HDAC9: variants seen among roughly 807,000 people sequenced by gnomAD.
HDAC9 encodes the protein histone deacetylase 9, also known as MEF-2 interacting transcription repressor (MITR) protein.
In HDAC9, 41 loss-of-function variants were observed where a neutral mutation model predicts 139.4. The observed-to-expected ratio is 0.29, with a 90% CI of 0.23 to 0.38. HDAC9 has a LOEUF of 0.38. Among genes scored for constraint, HDAC9 ranks in the 10% least tolerant of loss-of-function variants. The probability of loss-of-function intolerance (pLI) is 1.00; values close to 1 mark genes in which losing one functional copy is unlikely to be tolerated. For missense variants in HDAC9, 1,147 were observed against 1,297.0 expected, an observed-to-expected ratio of 0.88 and a Z score of 1.78; for synonymous variants, 517 against 476.2, an observed-to-expected ratio of 1.09 and a Z score of -1.12.
chr7:18,507,196 A>ATTATTATTG (rs1800045666), intron 2 of HDAC9, among the ~76,000 whole-genome samples: 1 of 148,726 alleles, frequency 6.7e-6, no homozygotes, highest in Non-Finnish European at 1.5e-5. Flanking sequence ...TATTATTATT[A>ATTATTATTG]TTATTACTAT....
At chr7:18,204,407 G>T (rs2128162062) in intron 2 of HDAC9, among the ~76,000 whole-genome samples, 2 of 141,140 alleles carry the variant, frequency 1.4e-5, no homozygotes, top group South Asian at 2.2e-4. Flanking sequence ...TAAAGGCTTT[G>T]CATATCTTTG....
intron 2 of HDAC9, among the ~76,000 whole-genome samples, chr7:18,498,615 T>C (rs1025844657): frequency 6.6e-6 from 1 of 152,088 alleles, no homozygotes; most frequent in Non-Finnish European, 1.5e-5. Context: ...AGTCTTTGGA[T>C]TTGAAAGAGA....
At chr7:18,778,109 A>G (rs1790933748) in intron 16 of HDAC9, among the ~76,000 whole-genome samples, 1 of 151,916 alleles carries the variant, frequency 6.6e-6, no homozygotes, top group Non-Finnish European at 1.5e-5. Flanking sequence ...CCACAATACT[A>G]TGCACACACA....
At chr7:18,499,654 T>G (rs1797859201) in intron 2 of HDAC9, among the ~76,000 whole-genome samples, 1 of 152,182 alleles carries the variant, frequency 6.6e-6, no homozygotes, top group Non-Finnish European at 1.5e-5. Flanking sequence ...GCAGCAGAGC[T>G]GTCCAGACAA....
chr7:18,688,835 G>A (rs1450431456), intron 12 of HDAC9, among the ~76,000 whole-genome samples: 1 of 151,906 alleles, frequency 6.6e-6, no homozygotes, highest in Non-Finnish European at 1.5e-5. Context: ...ACAGAGAAAG[G>A]TTAAGACAAG....
At chr7:18,900,235 T>C (rs527748573) in intron 22 of HDAC9, among the ~76,000 whole-genome samples, 2 of 152,310 alleles carry the variant, frequency 1.3e-5, no homozygotes, top group Admixed American at 1.3e-4. Flanking sequence ...CACCTATGCA[T>C]ACTATCATTA....
At chr7:18,844,859 A>G (rs780459396) in intron 21 of HDAC9, among the ~76,000 whole-genome samples, 2 of 152,096 alleles carry the variant, frequency 1.3e-5, no homozygotes, top group Non-Finnish European at 2.9e-5. Context: ...TTATATACCC[A>G]TGTTGCCTCC....
At chr7:18,290,646 G>A (rs1797747484) in intron 1 of HDAC9, 3 of 394,088 alleles carry the variant, frequency 7.6e-6, no homozygotes, top group Admixed American at 3.0e-5. Context: ...TCATGCGGAG[G>A]GAAGCAAAAG....
intron 1 of HDAC9, among the ~76,000 whole-genome samples, chr7:18,461,828 A>G (rs367922387): frequency 3.3e-5 from 5 of 152,152 alleles, no homozygotes; most frequent in African/African-American, 1.2e-4. Context: ...GTTTAAACTA[A>G]TATGACTTTA....
chr7:18,282,545 A>C (rs1797168806), intron 2 of HDAC9, among the ~76,000 whole-genome samples: 1 of 152,152 alleles, frequency 6.6e-6, no homozygotes, highest in African/African-American at 2.4e-5. Flanking sequence ...AAGGGAAATG[A>C]CATATTTGCA....
chr7:18,173,099 G>A (rs1393988189), intron 2 of HDAC9, among the ~76,000 whole-genome samples: 1 of 152,112 alleles, frequency 6.6e-6, no homozygotes, highest in East Asian at 1.9e-4. Context: ...TCTCTTTGTA[G>A]GTCTCTAAGG....
intron 6 of HDAC9, among the ~76,000 whole-genome samples, chr7:18,614,186 C>G (rs1224552385): frequency 6.6e-6 from 1 of 152,060 alleles, no homozygotes; most frequent in Non-Finnish European, 1.5e-5. Context: ...TATTTGGGAT[C>G]TAACTCCACA....
At chr7:18,127,742 A>C (rs1784757073) in intron 1 of HDAC9, among the ~76,000 whole-genome samples, 1 of 152,110 alleles carries the variant, frequency 6.6e-6, no homozygotes, top group African/African-American at 2.4e-5. Flanking sequence ...AGAAGAGCTT[A>C]AGACCATTCT....
At chr7:18,723,805 C>G (rs1419163523) in intron 12 of HDAC9, among the ~76,000 whole-genome samples, 1 of 151,868 alleles carries the variant, frequency 6.6e-6, no homozygotes, top group Non-Finnish European at 1.5e-5. Context: ...TTTAGTAACC[C>G]CAGTCATCTA....
rs1403726619 is a variant in HDAC9 at position 18,688,320 on chromosome 7, C to CTA, written c.1731+21844_1731+21845insTA. On this transcript the variant is annotated intron_variant, in intron 12 of 25. Coordinates refer to ENST00000686413, the MANE Select transcript of HDAC9 (RefSeq NM_178425.4). ...CTAGCCTTAGTTTGACTGCTGACAC[C>CTA]GGGAATGCATTTCTAAACTTCTAAA... is the stretch of plus-strand genomic sequence containing the variant. Among the ~76,000 whole-genome samples, 36 of 151,704 alleles carry CTA rather than the reference C, an allele frequency of 2.4e-4. 2 individuals carry two copies. The highest frequency in any genetic ancestry group is 8.7e-4 in the African/African-American group (36 of 41,444).
At chr7:18,691,026 T>G (rs1435002036) in intron 12 of HDAC9, among the ~76,000 whole-genome samples, 13 of 152,070 alleles carry the variant, frequency 8.5e-5, no homozygotes, top group Admixed American at 8.5e-4. Context: ...ATAACTTCTG[T>G]GGAATTCTTC....
At chr7:18,231,224 A>G (rs768841043) in intron 2 of HDAC9, among the ~76,000 whole-genome samples, 6 of 152,356 alleles carry the variant, frequency 3.9e-5, no homozygotes, top group South Asian at 4.1e-4. Context: ...GCATTTGTGC[A>G]TTCTTCCCCA....
At chr7:18,672,449 T>A (rs115450388) in intron 12 of HDAC9, among the ~76,000 whole-genome samples, 185 of 152,196 alleles carry the variant, frequency 1.2e-3, no homozygotes, top group African/African-American at 4.4e-3. Context: ...ATATTTTGTG[T>A]AGTAGACCTT....
intron 12 of HDAC9, among the ~76,000 whole-genome samples, chr7:18,726,236 CTTTCTCAGTAAG>C (rs1171310765): frequency 1.3e-5 from 2 of 152,106 alleles, no homozygotes; most frequent in African/African-American, 4.8e-5. Flanking sequence ...GATTTGTTAG[CTTTCTCAGTAAG>C]TTTCTCAGCC....
Sources: gnomAD v4.1 joint callset for allele counts (sites outside exome capture counted in the v4.1 genomes callset) on GRCh38, gnomAD v4.1.1 for gene constraint, MANE v1.5 for transcripts, NCBI Gene and HGNC (gene_info 2026-07-23, HGNC 2026-07-21) for gene names.